Variants in AKR1C3 observed in about 807,000 individuals in gnomAD.
The protein encoded by AKR1C3 is aldo-keto reductase family 1 member C3, also known as 3-alpha hydroxysteroid dehydrogenase, type II.
A neutral mutation model predicts 43.6 loss-of-function variants in AKR1C3; 48 were observed. That is an observed-to-expected ratio of 1.10 (90% CI 0.87 to 1.40). AKR1C3 has a LOEUF of 1.40. AKR1C3 is among the 40% of genes most tolerant of loss of function. AKR1C3 has a pLI of 0.00. For missense variants in AKR1C3, 482 were observed against 391.2 expected, an observed-to-expected ratio of 1.23 and a Z score of -1.96; for synonymous variants, 162 against 139.6, an observed-to-expected ratio of 1.16 and a Z score of -1.13.
intron 7 of AKR1C3, among the ~76,000 whole-genome samples, chr10:5,103,690 T>G (rs1839417184): frequency 6.6e-6 from 1 of 152,086 alleles, no homozygotes; most frequent in Non-Finnish European, 1.5e-5. Context: ...AGGCAGTGAG[T>G]GGACACATGC....
chr10:5,094,237 T>A, upstream of AKR1C3: 2 of 379,574 alleles, frequency 5.3e-6, no homozygotes, highest in East Asian at 6.1e-5. Flanking sequence ...ATAATTTACT[T>A]AGGAATTCTC....
At chr10:5,074,733 C>A (rs1055426316) in intron 1 of AKR1C3, among the ~76,000 whole-genome samples, 22 of 152,068 alleles carry the variant, frequency 1.4e-4, no homozygotes, top group African/African-American at 4.8e-4. Flanking sequence ...GAAAGGCTAC[C>A]CACCTCCCCC....
At chr10:5,064,645 A>G (rs1236490507) in intron 1 of AKR1C3, among the ~76,000 whole-genome samples, 1 of 152,244 alleles carries the variant, frequency 6.6e-6, no homozygotes, top group Non-Finnish European at 1.5e-5. Flanking sequence ...ATGAATGTCC[A>G]ATATCCAGAA....
chr10:5,082,623 C>T (rs368040212), intron 1 of AKR1C3, among the ~76,000 whole-genome samples: 1 of 152,026 alleles, frequency 6.6e-6, no homozygotes, highest in African/African-American at 2.4e-5. Context: ...GTTTAATCAT[C>T]CTTGCATCCC....
chr10:5,104,786 T>TAAAA (rs1839457443), intron 7 of AKR1C3, among the ~76,000 whole-genome samples: 1 of 152,174 alleles, frequency 6.6e-6, no homozygotes, highest in South Asian at 2.1e-4. Context: ...CATATGTATT[T>TAAAA]TTAAATATTT....
chr10:5,096,285 A>G lies in AKR1C3; in HGVS notation c.85-125A>G. The G allele has an allele frequency of 5.0e-6, 6 of 1,198,386 alleles. No homozygotes were observed. In the South Asian group the frequency reaches 9.8e-5, roughly 20 times the overall value. The allele number at this position is 1,198,386 out of a possible 1,614,324, so 74.2% of individuals were successfully genotyped here. ...CCAGGAAAGACTCAGGCAAACTGAG[A>G]TGGACTTTTCACCCCACATACAGAC... On this transcript the variant is annotated intron_variant, in intron 1 of 8. Coordinates refer to ENST00000380554, the MANE Select transcript of AKR1C3 (RefSeq NM_003739.6).
chr10:5,063,885 C>T (rs1398714045), intron 1 of AKR1C3, among the ~76,000 whole-genome samples: 1 of 151,276 alleles, frequency 6.6e-6, no homozygotes, highest in Non-Finnish European at 1.5e-5. Context: ...TGTGAGGCAG[C>T]TCCATCACTG....
intron 7 of AKR1C3, 54 bp downstream of exon 7, chr10:5,102,704 G>T: frequency 6.9e-7 from 1 of 1,453,260 alleles, no homozygotes; most frequent in South Asian, 1.5e-5. Context: ...CTTCACACGT[G>T]TGCTTCTTGT....
chr10:5,068,702 G>A (rs1268117640), intron 1 of AKR1C3, among the ~76,000 whole-genome samples: 2 of 152,188 alleles, frequency 1.3e-5, no homozygotes, highest in Non-Finnish European at 2.9e-5. Flanking sequence ...CCATGGAGAG[G>A]GGGTGGCAGG....
intron 1 of AKR1C3, among the ~76,000 whole-genome samples, chr10:5,065,845 G>A (rs888679811): frequency 1.3e-5 from 2 of 152,176 alleles, no homozygotes; most frequent in African/African-American, 4.8e-5. Context: ...CCCACTGAGA[G>A]ATGTGATCTT....
At chr10:5,052,635 T>C (rs1278798696) in intron 1 of AKR1C3, among the ~76,000 whole-genome samples, 1 of 152,022 alleles carries the variant, frequency 6.6e-6, no homozygotes, top group African/African-American at 2.4e-5. Context: ...ACGGTGCTAA[T>C]TGGTGTGTTT....
chr10:5,057,753 G>T (rs1838292506), intron 1 of AKR1C3, among the ~76,000 whole-genome samples: 1 of 152,158 alleles, frequency 6.6e-6, no homozygotes, highest in Non-Finnish European at 1.5e-5. Flanking sequence ...CTGACTGGTA[G>T]GGAATTTGTC....
rs1218071503 is a variant in AKR1C3 at position 5,102,155 on chromosome 10, A to C, written c.625A>C (p.Lys209Gln). ...RSKLLDFCKS[K>Q]DIVLVAYSAL... is the part of the protein sequence containing the mutation. ...TAAATTGCTAGATTTCTGCAAGTCG[A>C]AAGATATTGTTCTGGTTGCCTATAG... The change falls in exon 6 of 9, where the codon AAA becomes CAA. Residue 209 changes from lysine (K) to glutamine (Q), a missense_variant. By Grantham distance (53) the Lys-to-Gln change is moderately conservative. Coordinates refer to ENST00000380554, the MANE Select transcript of AKR1C3 (RefSeq NM_003739.6). The C allele has an allele frequency of 6.2e-7, 1 of 1,614,106 alleles. No individual in the cohort carries two copies. Among genetic ancestry groups the C allele is most frequent in the East Asian group, 2.2e-5 (1 of 44,860 alleles).
chr10:5,102,787 G>A (rs1015462094), intron 7 of AKR1C3, 137 bp downstream of exon 7: 107 of 1,479,158 alleles, frequency 7.2e-5, no homozygotes, highest in Admixed American at 1.2e-4. Flanking sequence ...CGTGCATCCT[G>A]AGGGTTTCTT....
At chr10:5,053,535 G>A (rs1838198271) in intron 1 of AKR1C3, among the ~76,000 whole-genome samples, 1 of 152,372 alleles carries the variant, frequency 6.6e-6, no homozygotes, top group Middle Eastern at 3.4e-3. Flanking sequence ...GGCCAGCCCA[G>A]AAAGGGGCTC....
At chr10:5,052,298 T>C (rs1838169533) in intron 1 of AKR1C3, among the ~76,000 whole-genome samples, 1 of 152,176 alleles carries the variant, frequency 6.6e-6, no homozygotes, top group Admixed American at 6.5e-5. Flanking sequence ...AAAGGCAGTG[T>C]GGACCCAAAG....
upstream of AKR1C3, chr10:5,048,804 T>A (rs1306081082): frequency 1.2e-6 from 2 of 1,612,758 alleles, no homozygotes; most frequent in Non-Finnish European, 1.7e-6. Context: ...GCCAGCTGAG[T>A]GACAGTGATG....
chr10:5,076,594 T>C (rs1176574716), intron 1 of AKR1C3, among the ~76,000 whole-genome samples: 1 of 152,242 alleles, frequency 6.6e-6, no homozygotes, highest in Admixed American at 6.5e-5. Flanking sequence ...TGCTTGTTAC[T>C]GATGGTGAAA....
chr10:5,103,016 A>C (rs1839398811), intron 7 of AKR1C3, among the ~76,000 whole-genome samples: 1 of 149,830 alleles, frequency 6.7e-6, no homozygotes, highest in African/African-American at 2.5e-5. Flanking sequence ...CAGCCTCCTG[A>C]GTAGCTGGGA....
Sources: allele counts gnomAD v4.1 joint callset (sites outside exome capture counted in the v4.1 genomes callset), GRCh38; gene constraint gnomAD v4.1.1; transcripts MANE v1.5; gene names NCBI Gene and HGNC (gene_info 2026-07-23, HGNC 2026-07-21).